Variants in COBL observed in about 807,000 individuals in gnomAD.
The protein encoded by COBL is protein cordon-bleu.
Under a neutral mutation model 98.8 loss-of-function variants are expected in COBL, and 51 were observed. The ratio of observed to expected loss-of-function variants is 0.52; its 90% CI spans 0.41 to 0.65. COBL has a LOEUF of 0.65. COBL is among the 30% of genes least tolerant of loss of function. The pLI is 0.00. For synonymous variants in COBL, 634 were observed against 651.7 expected (o/e 0.97, Z 0.41); for missense variants, 1,617 against 1,617.5 (o/e 1.00, Z 0.01).
chr7:51,266,913 T>A (rs1488456306), intron 1 of COBL, among the ~76,000 whole-genome samples: 1 of 152,180 alleles, frequency 6.6e-6, no homozygotes, highest in Non-Finnish European at 1.5e-5. Context: ...TATTCCCTAT[T>A]AACTTACATT....
intron 2 of COBL, among the ~76,000 whole-genome samples, chr7:51,208,003 G>A (rs1277565757): frequency 3.4e-5 from 5 of 149,144 alleles, no homozygotes; most frequent in East Asian, 2.0e-4. Context: ...CTTCCCGGCC[G>A]CCATCCCATC....
intron 6 of COBL, among the ~76,000 whole-genome samples, chr7:51,126,159 C>T (rs1266609152): frequency 1.3e-5 from 2 of 152,178 alleles, no homozygotes; most frequent in African/African-American, 4.8e-5. Context: ...GAAACCCCAT[C>T]TCAACTAGAA....
intron 6 of COBL, among the ~76,000 whole-genome samples, chr7:51,110,408 G>C (rs1005190888): frequency 6.6e-6 from 1 of 152,142 alleles, no homozygotes; most frequent in African/African-American, 2.4e-5. Flanking sequence ...ATGGCCTCCA[G>C]TTCCATCCAT....
At chr7:51,181,631 C>T (rs1788964499) in intron 5 of COBL, among the ~76,000 whole-genome samples, 1 of 152,204 alleles carries the variant, frequency 6.6e-6, no homozygotes, top group South Asian at 2.1e-4. Context: ...GGCTACAGTC[C>T]TCAACCTTGG....
At chr7:51,033,880 C>T (rs564972042) in intron 8 of COBL, 3 of 152,234 alleles carry the variant, frequency 2.0e-5, no homozygotes, top group African/African-American at 7.2e-5. Context: ...AGAGGCTGTA[C>T]AAGGTCTGAA....
intron 1 of COBL, among the ~76,000 whole-genome samples, chr7:51,263,157 C>T (rs188781908): frequency 5.3e-5 from 8 of 152,280 alleles, no homozygotes; most frequent in African/African-American, 1.4e-4. Context: ...ACCCGCAAGC[C>T]GAGGGTGGCC....
chr7:51,197,627 C>G (rs1235776100), intron 2 of COBL, among the ~76,000 whole-genome samples: 2 of 152,042 alleles, frequency 1.3e-5, no homozygotes, highest in Non-Finnish European at 2.9e-5. Flanking sequence ...AAGTCTCCCA[C>G]TATTAATGTG....
intron 6 of COBL, among the ~76,000 whole-genome samples, chr7:51,102,657 G>A (rs1795906907): frequency 1.3e-5 from 2 of 152,210 alleles, no homozygotes; most frequent in South Asian, 4.1e-4. Flanking sequence ...AGCTAAAGAA[G>A]ACAGACATCC....
At chr7:51,162,910 A>AG (rs34125935) in intron 5 of COBL, among the ~76,000 whole-genome samples, 1 of 152,248 alleles carries the variant, frequency 6.6e-6, no homozygotes, top group Non-Finnish European at 1.5e-5. Flanking sequence ...AACAGCCAGC[A>AG]GGGGGAGCAC....
At chr7:51,075,441 T>C (rs2128928248) in intron 7 of COBL, among the ~76,000 whole-genome samples, 1 of 152,352 alleles carries the variant, frequency 6.6e-6, no homozygotes, top group East Asian at 1.9e-4. Context: ...ACAGATCCGA[T>C]ACATGTAAAC....
At chr7:51,190,519 G>A (rs540276417) in intron 4 of COBL, among the ~76,000 whole-genome samples, 51 of 152,140 alleles carry the variant, frequency 3.4e-4, no homozygotes, top group Non-Finnish European at 5.7e-4. Context: ...CCACAAGAAA[G>A]TATTATAGAT....
intron 8 of COBL, 140 bp from the exon 9 acceptor site, chr7:51,031,049 A>C (rs894287823): frequency 3.1e-6 from 2 of 645,414 alleles, no homozygotes; most frequent in Admixed American, 5.1e-5. Context: ...TGTTGTCCTC[A>C]GAACTACGGA....
chr7:51,029,624 T>G, intron 9 of COBL, 33 bp from the exon 10 acceptor site: 1 of 1,533,934 alleles, frequency 6.5e-7, no homozygotes, highest in Non-Finnish European at 8.8e-7. Flanking sequence ...ATCACAGATG[T>G]TTCCCACACC....
intron 7 of COBL, among the ~76,000 whole-genome samples, chr7:51,060,800 C>T (rs564334594): frequency 6.6e-6 from 1 of 152,252 alleles, no homozygotes; most frequent in Non-Finnish European, 1.5e-5. Flanking sequence ...AGTTAAGATG[C>T]CACATGGTCA....
At chr7:51,134,456 A>G (rs1437610702) in intron 6 of COBL, among the ~76,000 whole-genome samples, 1 of 152,222 alleles carries the variant, frequency 6.6e-6, no homozygotes, top group Non-Finnish European at 1.5e-5. Flanking sequence ...TTCCCACTCA[A>G]GCAGGCTTTA....
intron 5 of COBL, among the ~76,000 whole-genome samples, chr7:51,142,751 A>G (rs887660960): frequency 7.2e-5 from 11 of 152,214 alleles, no homozygotes; most frequent in Non-Finnish European, 1.2e-4. Context: ...ACAGTATTTC[A>G]GTCTTATGAA....
At chr7:51,208,663 G>A (rs971982340) in intron 2 of COBL, among the ~76,000 whole-genome samples, 3 of 152,222 alleles carry the variant, frequency 2.0e-5, no homozygotes, top group South Asian at 2.1e-4. Context: ...GATGGTTGCC[G>A]TGTCTGTGTA....
At chr7:51,054,332 C>T (rs1431136274) in intron 7 of COBL, among the ~76,000 whole-genome samples, 1 of 151,736 alleles carries the variant, frequency 6.6e-6, no homozygotes, top group East Asian at 1.9e-4. Context: ...TCTATAAAAT[C>T]TACTGAGTTT....
intron 7 of COBL, among the ~76,000 whole-genome samples, chr7:51,077,477 T>A (rs1277343272): frequency 2.0e-5 from 3 of 152,212 alleles, no homozygotes; most frequent in Non-Finnish European, 4.4e-5. Flanking sequence ...GAAATCTCAG[T>A]TCTATACAAG....
Sources: allele counts gnomAD v4.1 joint callset (sites outside exome capture counted in the v4.1 genomes callset), GRCh38; gene constraint gnomAD v4.1.1; transcripts MANE v1.5; gene names NCBI Gene and HGNC (gene_info 2026-07-23, HGNC 2026-07-21).